Variants in ENOX1 observed in about 807,000 individuals in gnomAD.
ENOX1 encodes candidate growth-related and time keeping constitutive hydroquinone (NADH) oxidase.
Under a neutral mutation model 82.5 loss-of-function variants are expected in ENOX1, and 42 were observed. The observed-to-expected ratio is 0.51, with a 90% confidence interval of 0.40 to 0.66. The LOEUF (loss-of-function observed/expected upper bound fraction) is 0.66, where lower values mean the gene tolerates loss of function less well. Ranked by LOEUF, ENOX1 falls within the 30% of genes least tolerant of loss-of-function variation. The pLI is 0.00. For synonymous variants in ENOX1, 271 were observed against 282.2 expected (o/e 0.96, Z 0.40); for missense variants, 608 against 811.6 (o/e 0.75, Z 3.05).
intron 8 of ENOX1, among the ~76,000 whole-genome samples, chr13:43,353,397 T>C (rs1213949397): frequency 2.0e-5 from 3 of 152,226 alleles, no homozygotes; most frequent in Non-Finnish European, 4.4e-5. Context: ...GTATCTGTAA[T>C]AAATCTAAGT....
At chr13:43,772,749 T>TAAAAAAAAA (rs35359203) in intron 1 of ENOX1, among the ~76,000 whole-genome samples, 4 of 112,108 alleles carry the variant, frequency 3.6e-5, no homozygotes, top group African/African-American at 7.7e-5. Flanking sequence ...ACTCTGTCTT[T>TAAAAAAAAA]AAAAAAAAAA....
At chr13:43,439,804 A>C (rs1182278975) in intron 3 of ENOX1, among the ~76,000 whole-genome samples, 1 of 152,196 alleles carries the variant, frequency 6.6e-6, no homozygotes, top group Non-Finnish European at 1.5e-5. Flanking sequence ...GCACTGACCT[A>C]GCAAAACACA....
At chr13:43,751,588 C>T (rs1950323891) in intron 1 of ENOX1, among the ~76,000 whole-genome samples, 1 of 152,138 alleles carries the variant, frequency 6.6e-6, no homozygotes, top group South Asian at 2.1e-4. Flanking sequence ...TCTAGAGAGT[C>T]ATTAGCATTT....
At chr13:43,751,143 C>A (rs1222003544) in intron 1 of ENOX1, among the ~76,000 whole-genome samples, 1 of 152,184 alleles carries the variant, frequency 6.6e-6, no homozygotes. Context: ...TCTCTCAATG[C>A]TTACTGGCAA....
chr13:43,727,169 A>G (rs1321455582), intron 1 of ENOX1, among the ~76,000 whole-genome samples: 1 of 152,162 alleles, frequency 6.6e-6, no homozygotes, highest in Admixed American at 6.5e-5. Flanking sequence ...CTCCAGAGCA[A>G]AGGCAGATGT....
At chr13:43,484,630 G>A (rs2076351410) in intron 2 of ENOX1, among the ~76,000 whole-genome samples, 2 of 152,128 alleles carry the variant, frequency 1.3e-5, no homozygotes, top group Non-Finnish European at 2.9e-5. Context: ...AAGGCCTTAG[G>A]GCAGGTACTT....
intron 2 of ENOX1, among the ~76,000 whole-genome samples, chr13:43,563,381 A>G (rs1051549291): frequency 6.6e-6 from 1 of 152,168 alleles, no homozygotes; most frequent in African/African-American, 2.4e-5. Context: ...TATGGGTTAC[A>G]GAGAAAACAG....
chr13:43,352,923 A>G (rs2049902407), intron 8 of ENOX1, among the ~76,000 whole-genome samples: 1 of 152,168 alleles, frequency 6.6e-6, no homozygotes, highest in Non-Finnish European at 1.5e-5. Flanking sequence ...ATTTATTATA[A>G]TAGTGCACTA....
chr13:43,576,549 C>A (rs1439394417), intron 2 of ENOX1, among the ~76,000 whole-genome samples: 1 of 151,976 alleles, frequency 6.6e-6, no homozygotes, highest in Non-Finnish European at 1.5e-5. Context: ...AAAACACATG[C>A]CAGATTTGAC....
At chr13:43,592,717 C>T (rs923849055) in intron 2 of ENOX1, among the ~76,000 whole-genome samples, 1 of 152,140 alleles carries the variant, frequency 6.6e-6, no homozygotes, top group African/African-American at 2.4e-5. Flanking sequence ...CTATATGATT[C>T]AACTAAGCCA....
rs986104944 is a variant in ENOX1 at position 43,269,321 on chromosome 13, A to G, written c.1554+149T>C. ...CTGGGAATGAGGTTATAAATTCCGC[A>G]TAGCAAAGCTGCTAGGAAGTTTGAC... On this transcript the variant is annotated intron_variant, in intron 13 of 16. Coordinates refer to ENST00000690772, the MANE Select transcript of ENOX1 (RefSeq NM_001347969.2). The G allele has an allele frequency of 4.7e-6, 3 of 632,290 alleles. No individual in the cohort carries two copies. In the Admixed American group the frequency reaches 7.5e-5, roughly 16 times the overall value. 39.2% of individuals were successfully genotyped at this position (632,290 alleles called of 1,614,324 possible).
intron 12 of ENOX1, among the ~76,000 whole-genome samples, chr13:43,282,292 T>C (rs894400749): frequency 1.3e-5 from 2 of 152,156 alleles, no homozygotes; most frequent in Non-Finnish European, 2.9e-5. Context: ...TTATAAATCT[T>C]TGTTTATAAC....
chr13:43,468,986 G>A (rs926821181), intron 3 of ENOX1, among the ~76,000 whole-genome samples: 3 of 152,070 alleles, frequency 2.0e-5, no homozygotes, highest in Admixed American at 1.3e-4. Flanking sequence ...TCATTTATTA[G>A]CTCATAGTCA....
intron 2 of ENOX1, among the ~76,000 whole-genome samples, chr13:43,549,035 C>G (rs944975402): frequency 6.6e-6 from 1 of 152,192 alleles, no homozygotes; most frequent in Admixed American, 6.5e-5. Context: ...TTCCCTCTAA[C>G]ACTGAATTTA....
chr13:43,352,561 ACTTTCTCAAAGCCATGCTAT>A, intron 8 of ENOX1, among the ~76,000 whole-genome samples: 1 of 152,104 alleles, frequency 6.6e-6, no homozygotes, highest in Non-Finnish European at 1.5e-5. Flanking sequence ...GCTCCTTCCC[ACTTTCTCAAAGCCATGCTAT>A]AAACTTTGGG....
intron 1 of ENOX1, among the ~76,000 whole-genome samples, chr13:43,720,499 T>C (rs1001114648): frequency 2.0e-5 from 3 of 152,226 alleles, no homozygotes; most frequent in Admixed American, 6.5e-5. Flanking sequence ...TTGCTTTGAA[T>C]TGGACTTACC....
intron 1 of ENOX1, among the ~76,000 whole-genome samples, chr13:43,668,222 G>C (rs1175407113): frequency 6.6e-6 from 1 of 152,188 alleles, no homozygotes. Flanking sequence ...GAACCCACCT[G>C]AGACCTACTG....
rs115996334 is a variant in ENOX1 at position 43,770,651 on chromosome 13, T to C, written c.-285+16001A>G. Among the ~76,000 whole-genome samples, 599 of 151,362 alleles carry C rather than the reference T, an allele frequency of 4.0e-3. 7 individuals are homozygous for C. Among genetic ancestry groups the C allele is most frequent in the African/African-American group, 0.014 (576 of 41,204 alleles). On this transcript the variant is annotated intron_variant, in intron 1 of 16. Coordinates refer to ENST00000690772, the MANE Select transcript of ENOX1 (RefSeq NM_001347969.2). ...ATAGTACATACAACAAAAATCTCAT[T>C]TATTTACTTTATCTGCATATAGTAT...
At chr13:43,541,444 T>C (rs185281106) in intron 2 of ENOX1, among the ~76,000 whole-genome samples, 38 of 152,152 alleles carry the variant, frequency 2.5e-4, no homozygotes, top group African/African-American at 8.9e-4. Flanking sequence ...GAGGCTGCAG[T>C]GAGCTATGAC....
Sources: gnomAD v4.1 joint callset for allele counts (sites outside exome capture counted in the v4.1 genomes callset) on GRCh38, gnomAD v4.1.1 for gene constraint, MANE v1.5 for transcripts, NCBI Gene and HGNC (gene_info 2026-07-23, HGNC 2026-07-21) for gene names.